PPFIA1: variants seen among roughly 807,000 people sequenced by gnomAD.
The protein encoded by PPFIA1 is PPFI scaffold protein A1.
Under a neutral mutation model 149.9 loss-of-function variants are expected in PPFIA1, and 25 were observed. The observed-to-expected ratio is 0.17, with a 90% CI of 0.12 to 0.23. The LOEUF (loss-of-function observed/expected upper bound fraction) is 0.23. Among genes scored for constraint, PPFIA1 ranks in the 10% least tolerant of loss-of-function variants. PPFIA1 has a pLI of 1.00. For synonymous variants in PPFIA1, 549 were observed against 552.8 expected (o/e 0.99, Z 0.10); for missense variants, 1,362 against 1,506.5 (o/e 0.90, Z 1.59).
intron 2 of PPFIA1, among the ~76,000 whole-genome samples, chr11:70,307,461 A>G (rs2052926961): frequency 6.6e-6 from 1 of 152,220 alleles, no homozygotes; most frequent in Non-Finnish European, 1.5e-5. Context: ...AGATTTGCTC[A>G]TATATGCATT....
intron 2 of PPFIA1, among the ~76,000 whole-genome samples, chr11:70,290,626 CTT>C: frequency 6.6e-6 from 1 of 152,198 alleles, no homozygotes; most frequent in Admixed American, 6.5e-5. Context: ...AGTTCATACT[CTT>C]TTCACAGAGT....
At chr11:70,345,788 C>T in intron 15 of PPFIA1, 1 of 206,924 alleles carries the variant, frequency 4.8e-6, no homozygotes, top group South Asian at 6.0e-5. Flanking sequence ...GATCATGCTG[C>T]TGCCCTCCAG....
At chr11:70,337,638 C>T (rs1420587982) in intron 12 of PPFIA1, among the ~76,000 whole-genome samples, 1 of 152,124 alleles carries the variant, frequency 6.6e-6, no homozygotes, top group Non-Finnish European at 1.5e-5. Flanking sequence ...GTTCAGAATT[C>T]GGAGTCCTTT....
intron 2 of PPFIA1, among the ~76,000 whole-genome samples, chr11:70,280,228 A>ATG (rs1030718519): frequency 2.7e-5 from 4 of 149,522 alleles, no homozygotes; most frequent in African/African-American, 9.9e-5. Flanking sequence ...ATATATATAT[A>ATG]CGTACATACA....
intron 2 of PPFIA1, among the ~76,000 whole-genome samples, chr11:70,296,459 C>T (rs1297556521): frequency 6.6e-6 from 1 of 152,188 alleles, no homozygotes; most frequent in Non-Finnish European, 1.5e-5. Context: ...GCTGGCGGAC[C>T]ACTCGCGGTT....
At position 70,330,041 on chromosome 11, in the gene PPFIA1, C is replaced by T. The variant is rs961486803; in HGVS notation, c.931-132C>T. On this transcript the variant is annotated intron_variant, in intron 7 of 27. Transcript: ENST00000253925. ...TGATTATAGGAGTGAGCTGCTGTATCTGGCCTGAGGATGCTAATTTTTAAT... is the reference window on the plus strand; with the variant it reads ...TGATTATAGGAGTGAGCTGCTGTATTTGGCCTGAGGATGCTAATTTTTAAT... 3.8e-6 allele frequency: 3 copies of T among 787,566 alleles called. No homozygotes were observed. The Admixed American group carries it at 9.6e-5, about 25-fold the overall frequency. 48.8% of individuals were successfully genotyped at this position (787,566 alleles called of 1,614,324 possible). A position where few individuals can be genotyped will look rare whatever the true frequency, so the allele number is the denominator to read the frequency against.
chr11:70,293,554 C>T (rs1228709905), intron 2 of PPFIA1, among the ~76,000 whole-genome samples: 12 of 152,174 alleles, frequency 7.9e-5, no homozygotes, highest in Admixed American at 7.2e-4. Flanking sequence ...GCCTTTGGCA[C>T]GTGGTAGCTG....
At chr11:70,277,060 A>ATTTTTT (rs1555076271) in intron 2 of PPFIA1, among the ~76,000 whole-genome samples, 184 of 66,236 alleles carry the variant, frequency 2.8e-3, no homozygotes, top group Admixed American at 6.0e-3. Flanking sequence ...ATATATATAT[A>ATTTTTT]TTTTTTTTTT....
Position 70,343,678 on chromosome 11 carries a change from C to T in PPFIA1, c.1717C>T (p.Leu573Phe), listed in dbSNP as rs780108791. Residue 573 changes from leucine to phenylalanine, a missense_variant, in exon 15 of 28, where the codon CTT becomes TTT. Coordinates refer to ENST00000253925, the MANE Select transcript of PPFIA1 (RefSeq NM_003626.5). ...LRDEPSKVQT[L>F]NEQDWERAQQ... Reference sequence around the variant, plus strand: ...GTTTTCTTGTTTATAGGTACAAACTCTTAATGAGCAGGATTGGGAACGTGC... The same window carrying T: ...GTTTTCTTGTTTATAGGTACAAACTTTTAATGAGCAGGATTGGGAACGTGC... The T allele has an allele frequency of 6.2e-7, 1 of 1,614,152 alleles. No individual in the cohort carries two copies.
intron 2 of PPFIA1, among the ~76,000 whole-genome samples, chr11:70,307,444 A>C (rs1296787663): frequency 1.3e-5 from 2 of 152,250 alleles, no homozygotes; most frequent in African/African-American, 4.8e-5. Context: ...AGCAAGGGCG[A>C]AAGAATAGAT....
chr11:70,310,308 C>T (rs58649744), intron 2 of PPFIA1, among the ~76,000 whole-genome samples: 10,929 of 151,918 alleles, frequency 0.072, 1,374 homozygotes, highest in African/African-American at 0.25. Flanking sequence ...CATTTAGAAA[C>T]ACACAAATGC....
intron 2 of PPFIA1, among the ~76,000 whole-genome samples, chr11:70,302,131 G>T (rs74932336): frequency 1.3e-5 from 2 of 152,186 alleles, no homozygotes; most frequent in African/African-American, 4.8e-5. Flanking sequence ...TGCCCTCAGG[G>T]GCCAGAAGAG....
intron 2 of PPFIA1, among the ~76,000 whole-genome samples, chr11:70,273,721 A>G (rs1046857020): frequency 2.6e-5 from 4 of 152,194 alleles, no homozygotes; most frequent in Non-Finnish European, 5.9e-5. Context: ...TTAAAGAATC[A>G]TTAAGATTTT....
In PPFIA1 at chr11:70,270,753, C is replaced by T. The variant is rs1201633169; in HGVS notation, c.-162C>T. ...GCTCCGCCAGTGTCCGGCCGCGGGC[C>T]GGCCTTAGTGACTGGGGCGGCGGGC... On this transcript the variant is annotated 5_prime_UTR_variant, in exon 1 of 28. Coordinates refer to ENST00000253925, the MANE Select transcript of PPFIA1 (RefSeq NM_003626.5). 1 of 150,336 alleles carries T rather than the reference C, an allele frequency of 6.7e-6. No homozygotes were observed. The highest frequency in any genetic ancestry group is 1.5e-5 in the Non-Finnish European group (1 of 67,440). 9.3% of individuals were successfully genotyped at this position (150,336 alleles called of 1,614,324 possible). A position where few individuals can be genotyped will look rare whatever the true frequency, so the allele number is the denominator to read the frequency against.
At position 70,333,560 on chromosome 11, in the gene PPFIA1, A is replaced by C. The variant is rs773916974; in HGVS notation, c.1296+7A>C. On this transcript the variant is annotated splice_region_variant and intron_variant, in intron 10 of 27. Transcript: ENST00000253925. Reference sequence around the variant, plus strand: ...GAATCAAGAACTGCAGCGGGTGAGCATGCAGCCCTGAGGGTGGGGGCGCTG... The same window carrying C: ...GAATCAAGAACTGCAGCGGGTGAGCCTGCAGCCCTGAGGGTGGGGGCGCTG... 2 of 1,608,562 alleles carry C rather than the reference A, an allele frequency of 1.2e-6. No homozygotes were observed. Among genetic ancestry groups the C allele is most frequent in the South Asian group, 1.1e-5 (1 of 89,994 alleles).
rs775192688 is a variant in PPFIA1, at chr11:70,362,327, C to T, written c.2704C>T (p.Arg902Ter). The T allele has an allele frequency of 6.2e-7, 1 of 1,614,074 alleles. No homozygotes were observed. Residue 902 changes from arginine (R) to a stop codon, truncating the protein, a stop_gained, in exon 21 of 28, where the codon CGA becomes TGA. Transcript: ENST00000253925. LOFTEE classifies it high-confidence loss of function. ...GMPAWYVAAC[R>*]ANVKSGAIMS... is the part of the protein sequence containing the mutation. ...GCCAGCCTGGTATGTGGCTGCCTGC[C>T]GAGCAAACGTGAAAAGCGGGGCCAT...
intron 2 of PPFIA1, among the ~76,000 whole-genome samples, chr11:70,297,379 A>G (rs1055439837): frequency 2.0e-5 from 3 of 152,158 alleles, no homozygotes; most frequent in African/African-American, 7.2e-5. Context: ...ACTGTACTCC[A>G]GCCTGGGTGA....
At chr11:70,363,063 C>T (rs947812) in intron 21 of PPFIA1, 21,295 of 152,318 alleles carry the variant, frequency 0.14, 1,657 homozygotes, top group Admixed American at 0.19. Context: ...AACATTTGTA[C>T]TATATATAAA....
At chr11:70,333,087 G>A (rs2054764255) in intron 9 of PPFIA1, 1 of 463,438 alleles carries the variant, frequency 2.2e-6, no homozygotes, top group Admixed American at 2.3e-5. Flanking sequence ...TTACTTCCAA[G>A]CTTAGGAAGG....
Sources: gnomAD v4.1 joint callset for allele counts (sites outside exome capture counted in the v4.1 genomes callset) on GRCh38, gnomAD v4.1.1 for gene constraint, MANE v1.5 for transcripts, NCBI Gene and HGNC (gene_info 2026-07-23, HGNC 2026-07-21) for gene names.